CTCF: variants seen among roughly 807,000 people sequenced by gnomAD.
The protein encoded by CTCF is CCCTC-binding factor.
In CTCF, 7 loss-of-function variants were observed where a neutral mutation model predicts 72.3. The observed-to-expected ratio is 0.10, with a 90% CI of 0.06 to 0.18. The LOEUF (loss-of-function observed/expected upper bound fraction) is 0.18. CTCF is among the 10% of genes least tolerant of loss of function. The pLI is 1.00. For synonymous variants in CTCF, 374 were observed against 315.8 expected (o/e 1.18, Z -1.95); for missense variants, 516 against 949.1 (o/e 0.54, Z 6.00).
intron 2 of CTCF, among the ~76,000 whole-genome samples, chr16:67,600,693 A>T (rs2051874902): frequency 6.6e-6 from 1 of 152,128 alleles, no homozygotes; most frequent in Non-Finnish European, 1.5e-5. Context: ...AGATTTTTTG[A>T]GATAGAGCAA....
At position 67,630,764 on chromosome 16, in the gene CTCF, CAA is replaced by C. The variant is rs547390303; in HGVS notation, c.1837+1235_1837+1236del. Among the ~76,000 whole-genome samples, 241 of 151,958 alleles carry C rather than the reference CAA, an allele frequency of 1.6e-3. 1 individual carries two copies. Among genetic ancestry groups the C allele is most frequent in the African/African-American group, 5.5e-3 (230 of 41,448 alleles). On this transcript the variant is annotated intron_variant, in intron 10 of 11. Transcript: ENST00000264010. ...AGTGAGACCTTGTCTCCAAAAAAAACAAAAAGTGCCAAGCCTCACAAAGAGGG... is the reference window on the plus strand; with the variant it reads ...AGTGAGACCTTGTCTCCAAAAAAAACAAAGTGCCAAGCCTCACAAAGAGGG...
chr16:67,629,601 G>A (rs1470877969), intron 10 of CTCF, 68 bp downstream of exon 10: 6 of 1,541,324 alleles, frequency 3.9e-6, no homozygotes, highest in Non-Finnish European at 5.3e-6. Flanking sequence ...GTGTGTTTAT[G>A]TATGGATATG....
intron 6 of CTCF, chr16:67,621,041 C>T: frequency 2.5e-6 from 1 of 399,196 alleles, no homozygotes. Flanking sequence ...CTGCCTACAA[C>T]AAGAAAAATT....
At chr16:67,578,786 A>G (rs1218616343) in intron 2 of CTCF, among the ~76,000 whole-genome samples, 1 of 150,864 alleles carries the variant, frequency 6.6e-6, no homozygotes, top group East Asian at 2.0e-4. Flanking sequence ...CATCTCTACT[A>G]AAAATACAAA....
Position 67,579,694 on chromosome 16 carries a change from GT to G in CTCF, c.-10+8435del. Among the ~76,000 whole-genome samples the G allele has an allele frequency of 1.3e-5, 2 of 152,128 alleles. 1 individual carries two copies. The highest frequency in any genetic ancestry group is 4.2e-4 in the South Asian group (2 of 4,818). On this transcript the variant is annotated intron_variant, in intron 2 of 11. Coordinates refer to ENST00000264010, the MANE Select transcript of CTCF (RefSeq NM_006565.4). Reference sequence around the variant, plus strand: ...AGGTATGAGCCACCACGCCCAGCTTGTTTTTAATCTTTTGCCATTAGAGAAA... The same window carrying G: ...AGGTATGAGCCACCACGCCCAGCTTGTTTTAATCTTTTGCCATTAGAGAAA...
intron 1 of CTCF, among the ~76,000 whole-genome samples, chr16:67,565,229 T>G (rs2051327496): frequency 6.6e-6 from 1 of 152,052 alleles, no homozygotes; most frequent in Non-Finnish European, 1.5e-5. Flanking sequence ...CTCGAACTCC[T>G]GACCTCAGGT....
intron 7 of CTCF, among the ~76,000 whole-genome samples, chr16:67,624,117 ATGTGTGTGTATATATATGTG>A (rs2052247249): frequency 1.1e-5 from 1 of 92,528 alleles, no homozygotes; most frequent in South Asian, 3.6e-4. Flanking sequence ...GTGTGTGTGT[ATGTGTGTGTATATATATGTG>A]TGTGTGTGTA....
chr16:67,616,378 C>A (rs934066465), intron 4 of CTCF: 2 of 180,328 alleles, frequency 1.1e-5, no homozygotes, highest in Non-Finnish European at 2.4e-5. Flanking sequence ...AAACTCTTAG[C>A]CTCCCAGAGT....
chr16:67,610,424 C>T (rs2052046635), intron 2 of CTCF, among the ~76,000 whole-genome samples: 1 of 148,008 alleles, frequency 6.8e-6, no homozygotes, highest in African/African-American at 2.5e-5. Context: ...GCAATCTCGG[C>T]TCACTGCAAG....
intron 2 of CTCF, among the ~76,000 whole-genome samples, chr16:67,581,916 A>C (rs2051588053): frequency 6.6e-6 from 1 of 152,134 alleles, no homozygotes; most frequent in Non-Finnish European, 1.5e-5. Context: ...GCCACCTCAC[A>C]CAGCCTCTGT....
At chr16:67,600,171 C>G (rs555807814) in intron 2 of CTCF, among the ~76,000 whole-genome samples, 1 of 152,000 alleles carries the variant, frequency 6.6e-6, no homozygotes, top group Admixed American at 6.6e-5. Flanking sequence ...ACAAAGGGGC[C>G]GCAGAGGGCT....
intron 2 of CTCF, among the ~76,000 whole-genome samples, chr16:67,574,857 C>T (rs911113837): frequency 1.3e-5 from 2 of 150,162 alleles, no homozygotes; most frequent in Admixed American, 1.3e-4. Flanking sequence ...CAGAGTTTCA[C>T]CTTGTCAGCC....
At chr16:67,587,970 G>C (rs2051690430) in intron 2 of CTCF, among the ~76,000 whole-genome samples, 1 of 152,034 alleles carries the variant, frequency 6.6e-6, no homozygotes. Context: ...CAGTTCTCCT[G>C]ACTGAGCCTC....
intron 10 of CTCF, among the ~76,000 whole-genome samples, chr16:67,636,371 CAAA>C (rs749027061): frequency 3.1e-5 from 3 of 96,234 alleles, no homozygotes; most frequent in Non-Finnish European, 2.2e-5. Context: ...GACTCTGTCT[CAAA>C]AAAAAAAAAA....
intron 2 of CTCF, among the ~76,000 whole-genome samples, chr16:67,581,371 G>A (rs1394736822): frequency 6.7e-6 from 1 of 150,180 alleles, no homozygotes; most frequent in Non-Finnish European, 1.5e-5. Context: ...CTCCCGTGCT[G>A]GAGTGCAGTG....
chr16:67,620,642 T>C, intron 5 of CTCF, 55 bp from the exon 6 acceptor site: 1 of 1,449,724 alleles, frequency 6.9e-7, no homozygotes. Context: ...CCTACTGTGC[T>C]CTTGTTACAG....
intron 4 of CTCF, chr16:67,612,465 C>T (rs1314690169): frequency 5.8e-6 from 1 of 173,294 alleles, no homozygotes; most frequent in African/African-American, 2.4e-5. Context: ...TGGTGGGCGC[C>T]TGTAGTCCCA....
intron 4 of CTCF, 121 bp from the exon 5 acceptor site, chr16:67,616,624 C>G (rs1567610806): frequency 7.1e-6 from 8 of 1,119,722 alleles, no homozygotes; most frequent in African/African-American, 1.5e-5. Context: ...TGCTTTCAAG[C>G]TACTGCAGTT....
At chr16:67,597,491 A>C (rs2051830537) in intron 2 of CTCF, among the ~76,000 whole-genome samples, 1 of 152,140 alleles carries the variant, frequency 6.6e-6, no homozygotes, top group Admixed American at 6.5e-5. Context: ...GGTGCCCGCC[A>C]CTAAGCACAG....
Sources: allele counts gnomAD v4.1 joint callset (sites outside exome capture counted in the v4.1 genomes callset), GRCh38; gene constraint gnomAD v4.1.1; transcripts MANE v1.5; gene names NCBI Gene and HGNC (gene_info 2026-07-23, HGNC 2026-07-21).